The following ST6GALNAC3 variants were observed in gnomAD, a reference collection of about 807,000 sequenced individuals.
ST6GALNAC3 encodes ST6 N-acetylgalactosaminide alpha-2,6-sialyltransferase 3, also known as alpha-N-acetylgalactosaminide alpha-2,6-sialyltransferase 3.
ST6GALNAC3 carries 25 observed loss-of-function variants against 32.7 expected under a neutral mutation model. The ratio of observed to expected loss-of-function variants is 0.76; its 90% CI spans 0.56 to 1.07. The LOEUF (loss-of-function observed/expected upper bound fraction) is 1.07, where lower values mean the gene tolerates loss of function less well. ST6GALNAC3 is among the 50% of genes least tolerant of loss of function. ST6GALNAC3 has a pLI of 0.00. For synonymous variants in ST6GALNAC3, 129 were observed against 133.1 expected, an observed-to-expected ratio of 0.97 and a Z score of 0.21; for missense variants, 355 against 382.4, an observed-to-expected ratio of 0.93 and a Z score of 0.60.
intron 1 of ST6GALNAC3, among the ~76,000 whole-genome samples, chr1:76,307,108 T>A (rs1661106570): frequency 6.6e-6 from 1 of 152,056 alleles, no homozygotes; most frequent in Non-Finnish European, 1.5e-5. Context: ...GAAAGCAACG[T>A]CTCTCAGTGT....
At chr1:76,458,078 A>G (rs1409721379) in intron 3 of ST6GALNAC3, among the ~76,000 whole-genome samples, 1 of 148,700 alleles carries the variant, frequency 6.7e-6, no homozygotes, top group Non-Finnish European at 1.5e-5. Context: ...GGCGAAGGAC[A>G]TGAACAGACA....
intron 1 of ST6GALNAC3, among the ~76,000 whole-genome samples, chr1:76,272,318 G>A (rs1267233360): frequency 1.0e-5 from 1 of 95,382 alleles, no homozygotes; most frequent in Non-Finnish European, 2.1e-5. Context: ...GCAAGACTCA[G>A]TCTCGGAAAA....
Position 76,121,982 on chromosome 1 carries a change from CCCTT to C in ST6GALNAC3, c.18+47100_18+47103del, listed in dbSNP as rs1392508973. Among the ~76,000 whole-genome samples the C allele has an allele frequency of 2.6e-5, 4 of 152,282 alleles. No individual in the cohort carries two copies. In the East Asian group the frequency reaches 7.7e-4, roughly 29 times the overall value. On this transcript the variant is annotated intron_variant, in intron 1 of 4. Transcript: ENST00000328299. Reference sequence around the variant, plus strand: ...TAGACATCTGCATGGCTCCCTCCCTCCCTTCTTTCATGTCTCTGCCTAAATTTAG... The same window carrying C: ...TAGACATCTGCATGGCTCCCTCCCTCCTTTCATGTCTCTGCCTAAATTTAG...
In ST6GALNAC3 at chr1:76,463,784, C is replaced by T. The variant is rs531830970; in HGVS notation, c.623+51367C>T. ...ATTCTGGGCCTTTCCCCACCTTTGA[C>T]CTGTGAGGCTGGTCAATATGGGCTG... On this transcript the variant is annotated intron_variant, in intron 3 of 4. Transcript: ENST00000328299. 1.5e-3 allele frequency among the ~76,000 whole-genome samples: 234 copies of T among 152,182 alleles called. 2 individuals carry two copies. The highest frequency in any genetic ancestry group is 5.4e-3 in the African/African-American group (226 of 41,532).
In ST6GALNAC3 at chr1:76,615,400, A is replaced by G. The variant is rs1255866843; in HGVS notation, c.624-12052A>G. 3.9e-5 allele frequency among the ~76,000 whole-genome samples: 6 copies of G among 152,096 alleles called. No individual in the cohort carries two copies. The East Asian group carries it at 9.7e-4, about 24-fold the overall frequency. On this transcript the variant is annotated intron_variant, in intron 3 of 4. Transcript: ENST00000328299. ...GAGAGCTCCAAAAACAAGAGTTGGC[A>G]GGTAATTCTGTTCATCCACGCCTGC...
In ST6GALNAC3 at chr1:76,206,184, T is replaced by C. The variant is rs57449403; in HGVS notation, c.19-107621T>C. Among the ~76,000 whole-genome samples the C allele has an allele frequency of 4.9e-4, 75 of 152,306 alleles. 1 individual carries two copies. Among genetic ancestry groups the C allele is most frequent in the African/African-American group, 1.8e-3 (75 of 41,566 alleles). On this transcript the variant is annotated intron_variant, in intron 1 of 4. Transcript: ENST00000328299. ...TCTATGATTCCATGGTGAAAGGATA[T>C]TTTGAAGTACAGGGAACAGCACAGA...
At chr1:76,182,430 G>A (rs567212816) in intron 1 of ST6GALNAC3, among the ~76,000 whole-genome samples, 48 of 152,238 alleles carry the variant, frequency 3.2e-4, no homozygotes, top group African/African-American at 1.1e-3. Flanking sequence ...ATCCTTTAGT[G>A]CCATTCATAA....
intron 3 of ST6GALNAC3, among the ~76,000 whole-genome samples, chr1:76,535,905 CTT>C (rs1216997262): frequency 6.6e-6 from 1 of 151,896 alleles, no homozygotes; most frequent in Non-Finnish European, 1.5e-5. Context: ...GGTTTTATAA[CTT>C]AACTATATTT....
chr1:76,620,320 C>G (rs1357524165), intron 3 of ST6GALNAC3, among the ~76,000 whole-genome samples: 2 of 151,962 alleles, frequency 1.3e-5, no homozygotes, highest in Non-Finnish European at 2.9e-5. Flanking sequence ...TGTGACTAGA[C>G]CAAAGAGTTT....
In ST6GALNAC3 at chr1:76,457,015, C is replaced by CA. The variant is rs576847594; in HGVS notation, c.623+44602dup. Among the ~76,000 whole-genome samples the CA allele has an allele frequency of 1.6e-3, 243 of 151,428 alleles. 5 individuals carry two copies. Among genetic ancestry groups the CA allele is most frequent in the East Asian group, 0.015 (76 of 5,152 alleles). On this transcript the variant is annotated intron_variant, in intron 3 of 4. Transcript: ENST00000328299. ...GCAACTTCAGCAAAGTCTCAGGATACAAAATCAATGTACAAAAATCACAAG... is the reference window on the plus strand; with the variant it reads ...GCAACTTCAGCAAAGTCTCAGGATACAAAAATCAATGTACAAAAATCACAAG...
intron 3 of ST6GALNAC3, among the ~76,000 whole-genome samples, chr1:76,518,286 C>T (rs183982346): frequency 7.2e-5 from 11 of 151,962 alleles, no homozygotes; most frequent in Admixed American, 1.3e-4. Flanking sequence ...TCTTCATGTT[C>T]GACCATTCTA....
At chr1:76,535,324 C>T (rs1174758427) in intron 3 of ST6GALNAC3, among the ~76,000 whole-genome samples, 1 of 152,094 alleles carries the variant, frequency 6.6e-6, no homozygotes. Context: ...TGGAAGTTAT[C>T]ACAGTTATAA....
chr1:76,105,636 G>A (rs1647471807), intron 1 of ST6GALNAC3, among the ~76,000 whole-genome samples: 1 of 152,128 alleles, frequency 6.6e-6, no homozygotes, highest in Admixed American at 6.5e-5. Flanking sequence ...TGATAACACT[G>A]AAGTTTAAGA....
Position 76,630,749 on chromosome 1 carries a change from T to C in ST6GALNAC3, c.*1943T>C. On this transcript the variant is annotated 3_prime_UTR_variant, in exon 5 of 5. Transcript: ENST00000328299. ...TAAACATTACTAAGCCCCAGTTCTA[T>C]CGTTGGAAGGAGTTGTTATTCTTTT... 1 of 985,668 alleles carries C rather than the reference T, an allele frequency of 1.0e-6. No individual in the cohort carries two copies. The highest frequency in any genetic ancestry group is 1.2e-6 in the Non-Finnish European group (1 of 829,856). The allele number at this position is 985,668 out of a possible 1,614,324, so 61.1% of individuals were successfully genotyped here.
At chr1:76,546,308 A>G (rs2100327945) in intron 3 of ST6GALNAC3, among the ~76,000 whole-genome samples, 1 of 152,282 alleles carries the variant, frequency 6.6e-6, no homozygotes, top group East Asian at 1.9e-4. Flanking sequence ...ATTCCAGTAA[A>G]CTCAGAGGTT....
chr1:76,228,531 C>G (rs1327918643), intron 1 of ST6GALNAC3, among the ~76,000 whole-genome samples: 4 of 152,188 alleles, frequency 2.6e-5, no homozygotes, highest in African/African-American at 9.7e-5. Context: ...CTTTAATCCA[C>G]CACATTTCCT....
chr1:76,076,880 C>A (rs1646823312), intron 1 of ST6GALNAC3, among the ~76,000 whole-genome samples: 1 of 152,148 alleles, frequency 6.6e-6, no homozygotes, highest in Non-Finnish European at 1.5e-5. Flanking sequence ...ACAGAGTGAT[C>A]CTGGATTTAG....
intron 3 of ST6GALNAC3, among the ~76,000 whole-genome samples, chr1:76,506,733 C>A (rs531743946): frequency 6.6e-6 from 1 of 152,058 alleles, no homozygotes; most frequent in African/African-American, 2.4e-5. Flanking sequence ...AGAGGCAGAC[C>A]GCGGTAGACA....
chr1:76,094,371 G>T (rs1320445223), intron 1 of ST6GALNAC3, among the ~76,000 whole-genome samples: 1 of 152,196 alleles, frequency 6.6e-6, no homozygotes, highest in Non-Finnish European at 1.5e-5. Flanking sequence ...AGGCATTAGG[G>T]ATGGTGATCA....
Sources: allele counts gnomAD v4.1 joint callset (sites outside exome capture counted in the v4.1 genomes callset), GRCh38; gene constraint gnomAD v4.1.1; transcripts MANE v1.5; gene names NCBI Gene and HGNC (gene_info 2026-07-23, HGNC 2026-07-21).